The following KIF16B variants were observed in gnomAD, a reference collection of about 807,000 sequenced individuals.
KIF16B encodes kinesin family member 16B.
A neutral mutation model predicts 156.3 loss-of-function variants in KIF16B; 98 were observed. That is an observed-to-expected ratio of 0.63 (90% CI 0.53 to 0.74). KIF16B has a LOEUF of 0.74. KIF16B is among the 30% of genes least tolerant of loss of function. The probability of loss-of-function intolerance (pLI) is 0.00; values close to 1 mark genes in which losing one functional copy is unlikely to be tolerated. For synonymous variants in KIF16B, 564 were observed against 583.7 expected (o/e 0.97, Z 0.49); for missense variants, 1,421 against 1,606.5 (o/e 0.88, Z 1.97).
chr20:16,411,493 T>G (rs6111100), intron 15 of KIF16B, among the ~76,000 whole-genome samples: 24,297 of 152,048 alleles, frequency 0.16, 2,654 homozygotes, highest in East Asian at 0.61. Flanking sequence ...TTCCTGTGTT[T>G]CTTATCACTG....
chr20:16,278,359 A>G (rs1206063447), intron 25 of KIF16B, among the ~76,000 whole-genome samples: 1 of 152,222 alleles, frequency 6.6e-6, no homozygotes, highest in African/African-American at 2.4e-5. Flanking sequence ...AGAATTTAAG[A>G]ATAATAAGAA....
In KIF16B at chr20:16,379,414, C is replaced by G; in HGVS notation, c.2588G>C (p.Cys863Ser). The change falls in exon 19 of 26, where the codon TGT becomes TCT. Residue 863 changes from cysteine to serine, a missense_variant. Cys to Ser is a moderately radical substitution (Grantham distance 112). Coordinates refer to ENST00000354981, the MANE Select transcript of KIF16B (RefSeq NM_024704.5). ...EVQEEQEILECLKCEHDKESR... is the reference protein window; with the variant it reads ...EVQEEQEILESLKCEHDKESR... ...TTCTTTGTCATGTTCACATTTTAAA[C>G]ACTCTAGGATCTCCTGTTCTTCTTG... 6.2e-7 allele frequency: 1 copy of G among 1,609,546 alleles called. No homozygotes were observed. Among genetic ancestry groups the G allele is most frequent in the South Asian group, 1.1e-5 (1 of 90,470 alleles).
intron 25 of KIF16B, among the ~76,000 whole-genome samples, chr20:16,302,449 C>A (rs189926126): frequency 1.3e-5 from 2 of 152,282 alleles, no homozygotes; most frequent in Non-Finnish European, 2.9e-5. Flanking sequence ...TATTTCTGGG[C>A]TCTCTGTTCT....
At chr20:16,505,240 T>C (rs11698029) in intron 9 of KIF16B, among the ~76,000 whole-genome samples, 24,539 of 152,210 alleles carry the variant, frequency 0.16, 3,059 homozygotes, top group African/African-American at 0.35. Flanking sequence ...CTTTCTACGT[T>C]TTTTTCTCTA....
intron 12 of KIF16B, among the ~76,000 whole-genome samples, chr20:16,473,327 T>G (rs1411517819): frequency 6.6e-6 from 1 of 152,194 alleles, no homozygotes; most frequent in Non-Finnish European, 1.5e-5. Context: ...CCCAGACTTA[T>G]TTGAGAAAGG....
chr20:16,410,325 G>A (rs1330451209), intron 15 of KIF16B, among the ~76,000 whole-genome samples: 14 of 147,134 alleles, frequency 9.5e-5, no homozygotes, highest in African/African-American at 2.6e-4. Context: ...GTGTGTATAT[G>A]TGTGTGTGTA....
At chr20:16,434,958 G>A (rs78303109) in intron 12 of KIF16B, among the ~76,000 whole-genome samples, 17,243 of 152,008 alleles carry the variant, frequency 0.11, 1,193 homozygotes, top group Non-Finnish European at 0.17. Context: ...CTGTGAGGAT[G>A]GGGGAGGAAG....
chr20:16,514,858 C>T (rs56072219), intron 4 of KIF16B, among the ~76,000 whole-genome samples: 16,652 of 135,820 alleles, frequency 0.12, 1,270 homozygotes, highest in Non-Finnish European at 0.17. Flanking sequence ...TGCCCTCTAG[C>T]CTGGGCGACG....
At chr20:16,394,839 C>T (rs962453468) in intron 17 of KIF16B, among the ~76,000 whole-genome samples, 2 of 152,116 alleles carry the variant, frequency 1.3e-5, no homozygotes, top group Admixed American at 1.3e-4. Context: ...GCAGTGGGGA[C>T]CATGACCTCA....
intron 12 of KIF16B, among the ~76,000 whole-genome samples, chr20:16,437,981 AAAAAT>A (rs2066690026): frequency 8.1e-6 from 1 of 124,044 alleles, no homozygotes; most frequent in African/African-American, 2.9e-5. Flanking sequence ...AAAAATAAAA[AAAAAT>A]AATAAAAAAA....
chr20:16,329,403 T>C (rs1003347437), intron 24 of KIF16B, among the ~76,000 whole-genome samples: 9 of 152,208 alleles, frequency 5.9e-5, no homozygotes, highest in African/African-American at 1.7e-4. Context: ...TGTAACTTGA[T>C]TGATATTTAA....
intron 12 of KIF16B, among the ~76,000 whole-genome samples, chr20:16,438,341 A>C (rs1172344496): frequency 6.6e-6 from 1 of 152,166 alleles, no homozygotes; most frequent in African/African-American, 2.4e-5. Context: ...CAGTGCAGTA[A>C]GCTATTTTGA....
At chr20:16,411,641 G>A (rs1308022277) in intron 15 of KIF16B, among the ~76,000 whole-genome samples, 4 of 152,040 alleles carry the variant, frequency 2.6e-5, no homozygotes, top group East Asian at 3.9e-4. Context: ...GGTATCATGG[G>A]GAACATACTA....
chr20:16,458,755 C>T (rs2067274948), intron 12 of KIF16B, among the ~76,000 whole-genome samples: 2 of 151,942 alleles, frequency 1.3e-5, no homozygotes, highest in Admixed American at 1.3e-4. Context: ...TATACACACA[C>T]ACATATAAAC....
intron 24 of KIF16B, among the ~76,000 whole-genome samples, chr20:16,312,775 C>CTT (rs11087165): frequency 0.29 from 41,864 of 145,244 alleles, 6,388 homozygotes; most frequent in East Asian, 0.58. Flanking sequence ...TCCTCCCACC[C>CTT]TTTTTTTTTT....
chr20:16,399,808 T>C (rs1005091470), intron 17 of KIF16B, among the ~76,000 whole-genome samples: 12 of 152,232 alleles, frequency 7.9e-5, no homozygotes, highest in African/African-American at 2.9e-4. Flanking sequence ...AGCCAGAAAC[T>C]GGAAGTCAAC....
At chr20:16,405,110 C>A (rs981527764) in intron 16 of KIF16B, among the ~76,000 whole-genome samples, 3 of 152,188 alleles carry the variant, frequency 2.0e-5, no homozygotes, top group Non-Finnish European at 4.4e-5. Flanking sequence ...CTAAGTACAG[C>A]AGGACCTTGG....
At chr20:16,549,694 A>C (rs28797824) in intron 1 of KIF16B, among the ~76,000 whole-genome samples, 1 of 147,154 alleles carries the variant, frequency 6.8e-6, no homozygotes, top group African/African-American at 2.5e-5. Flanking sequence ...ATAACGCCGC[A>C]TACCTACAAC....
chr20:16,309,875 A>T (rs920543744), intron 25 of KIF16B, among the ~76,000 whole-genome samples: 2 of 152,218 alleles, frequency 1.3e-5, no homozygotes, highest in African/African-American at 4.8e-5. Flanking sequence ...ACACACTTAG[A>T]GGAAAGGAAA....
Sources: gnomAD v4.1 joint callset for allele counts (sites outside exome capture counted in the v4.1 genomes callset) on GRCh38, gnomAD v4.1.1 for gene constraint, MANE v1.5 for transcripts, NCBI Gene and HGNC (gene_info 2026-07-23, HGNC 2026-07-21) for gene names.